Variants in SCN8A observed in about 807,000 individuals in gnomAD.
The protein encoded by SCN8A is sodium channel protein type 8 subunit alpha.
A neutral mutation model predicts 184.1 loss-of-function variants in SCN8A; 30 were observed. That is an observed-to-expected ratio of 0.16 (90% CI 0.12 to 0.22). The LOEUF (loss-of-function observed/expected upper bound fraction) is 0.22. Among genes scored for constraint, SCN8A ranks in the 10% least tolerant of loss-of-function variants. SCN8A has a pLI of 1.00. For missense variants in SCN8A, 1,057 were observed against 2,498.9 expected (o/e 0.42, Z 12.30); for synonymous variants, 852 against 907.0 (o/e 0.94, Z 1.09).
At chr12:51,677,048 A>ATTGTT (rs1414402560) in intron 2 of SCN8A, among the ~76,000 whole-genome samples, 23 of 141,338 alleles carry the variant, frequency 1.6e-4, no homozygotes, top group African/African-American at 4.3e-4. Context: ...TGCATCCTTT[A>ATTGTT]TTGTTTTGTT....
intron 26 of SCN8A, 111 bp downstream of exon 26, chr12:51,794,752 C>G: frequency 9.5e-7 from 1 of 1,055,750 alleles, no homozygotes; most frequent in South Asian, 1.6e-5. Flanking sequence ...AGGCAAGATA[C>G]CCTCATAGCT....
intron 12 of SCN8A, among the ~76,000 whole-genome samples, chr12:51,728,199 C>T (rs1157085607): frequency 6.6e-6 from 1 of 152,092 alleles, no homozygotes; most frequent in Non-Finnish European, 1.5e-5. Context: ...TATATGTTTG[C>T]CCTCTCTCTC....
intron 5 of SCN8A, chr12:51,688,650 AG>A: frequency 1.4e-6 from 1 of 739,576 alleles, no homozygotes. Context: ...TTCTTTTTCA[AG>A]GAAAAAAAAT....
intron 22 of SCN8A, among the ~76,000 whole-genome samples, chr12:51,788,158 G>A (rs1938139471): frequency 6.6e-6 from 1 of 152,140 alleles, no homozygotes; most frequent in African/African-American, 2.4e-5. Context: ...ATTGGGAAGG[G>A]ACTGTCAAGG....
At chr12:51,805,280 C>T (rs575671202) in intron 26 of SCN8A, among the ~76,000 whole-genome samples, 3 of 152,152 alleles carry the variant, frequency 2.0e-5, no homozygotes, top group Non-Finnish European at 4.4e-5. Flanking sequence ...ATAGATGGAC[C>T]TCATAAGACA....
chr12:51,630,198 C>T (rs1319011804), intron 1 of SCN8A, among the ~76,000 whole-genome samples: 2 of 152,092 alleles, frequency 1.3e-5, no homozygotes, highest in Non-Finnish European at 2.9e-5. Flanking sequence ...ATGTAACCAT[C>T]AGCACCATCC....
intron 1 of SCN8A, among the ~76,000 whole-genome samples, chr12:51,615,209 A>C (rs777771260): frequency 2.6e-5 from 4 of 152,044 alleles, no homozygotes; most frequent in African/African-American, 7.2e-5. Flanking sequence ...GTACATACTT[A>C]AGTGTTCAGT....
At chr12:51,733,272 G>A (rs1313675805) in intron 12 of SCN8A, among the ~76,000 whole-genome samples, 1 of 152,096 alleles carries the variant, frequency 6.6e-6, no homozygotes, top group Non-Finnish European at 1.5e-5. Flanking sequence ...GAAGGGTGTT[G>A]AATTTTATAA....
At chr12:51,734,622 C>T (rs1592134153) in intron 12 of SCN8A, among the ~76,000 whole-genome samples, 1 of 152,322 alleles carries the variant, frequency 6.6e-6, no homozygotes, top group African/African-American at 2.4e-5. Flanking sequence ...TGAGGGCCAT[C>T]ATGAACATGT....
intron 1 of SCN8A, among the ~76,000 whole-genome samples, chr12:51,644,511 T>G (rs1940520527): frequency 6.6e-6 from 1 of 152,230 alleles, no homozygotes; most frequent in South Asian, 2.1e-4. Flanking sequence ...AAGACCTACT[T>G]CAGACGGAGT....
rs1938088057 is a variant in SCN8A at position 51,786,461 on chromosome 12, T to C, written c.3943-81T>C. On this transcript the variant is annotated intron_variant, in intron 21 of 26. Coordinates refer to ENST00000627620, the MANE Select transcript of SCN8A (RefSeq NM_001330260.2). The stretch of plus-strand genomic sequence containing the variant: ...TTTCCATACAGAACAAGCCACACAA[T>C]GTCATTCCCCTCCTGGAAATCAAAA... 4.8e-6 allele frequency: 7 copies of C among 1,450,508 alleles called. No individual in the cohort carries two copies. The Admixed American group carries it at 5.4e-5, about 11-fold the overall frequency. 89.9% of individuals were successfully genotyped at this position (1,450,508 alleles called of 1,614,324 possible).
chr12:51,651,360 C>T (rs188941155), intron 1 of SCN8A, among the ~76,000 whole-genome samples: 164 of 152,286 alleles, frequency 1.1e-3, no homozygotes, highest in East Asian at 3.1e-3. Context: ...CCCGCTACCA[C>T]GCCTGGCTAA....
intron 14 of SCN8A, among the ~76,000 whole-genome samples, chr12:51,760,945 C>A (rs1035489518): frequency 5.9e-5 from 9 of 152,058 alleles, no homozygotes; most frequent in African/African-American, 2.2e-4. Context: ...CATCTATAAT[C>A]TAAGTATTTT....
chr12:51,786,834 G>C lies in SCN8A; in HGVS notation c.4227+8G>C. On this transcript the variant is annotated splice_region_variant and intron_variant, in intron 22 of 26. Transcript: ENST00000627620. ...CTGGCCCTTCTTCAAGTAGTAAGTA[G>C]TGTTTTTGTTTTTGTTTTTTCAGTT... is the stretch of plus-strand genomic sequence containing the variant. The C allele has an allele frequency of 6.2e-7, 1 of 1,607,058 alleles. No individual in the cohort carries two copies. The highest frequency in any genetic ancestry group is 1.1e-5 in the South Asian group (1 of 89,234).
chr12:51,786,935 C>T lies in SCN8A; in HGVS notation c.4227+109C>T, dbSNP rs1278124709. ...CTACTTCTAGAATCAGGATTATTCT[C>T]AATAAGTCCAAGAAAACAGTATTGT... On this transcript the variant is annotated intron_variant, in intron 22 of 26. Coordinates refer to ENST00000627620, the MANE Select transcript of SCN8A (RefSeq NM_001330260.2). The T allele has an allele frequency of 4.7e-6, 5 of 1,074,110 alleles. No individual in the cohort carries two copies. In the Admixed American group the frequency reaches 1.1e-4, roughly 23 times the overall value. The allele number at this position is 1,074,110 out of a possible 1,614,324, so 66.5% of individuals were successfully genotyped here.
At chr12:51,771,781 A>G (rs1942928791) in intron 19 of SCN8A, among the ~76,000 whole-genome samples, 1 of 152,246 alleles carries the variant, frequency 6.6e-6, no homozygotes, top group African/African-American at 2.4e-5. Context: ...GAGGTGCCGC[A>G]GAGGCACCCA....
chr12:51,653,789 G>A (rs1356268547), intron 1 of SCN8A, among the ~76,000 whole-genome samples: 4 of 152,140 alleles, frequency 2.6e-5, no homozygotes, highest in Non-Finnish European at 1.5e-5. Flanking sequence ...CACCAGCAGA[G>A]CACTAGAGTC....
chr12:51,693,708 C>G (rs1941547912), intron 6 of SCN8A, among the ~76,000 whole-genome samples: 1 of 152,154 alleles, frequency 6.6e-6, no homozygotes, highest in African/African-American at 2.4e-5. Flanking sequence ...AAAGTCAACA[C>G]AGCACACTAC....
chr12:51,684,421 A>C (rs2138708397), intron 3 of SCN8A, 129 bp downstream of exon 3: 1 of 672,076 alleles, frequency 1.5e-6, no homozygotes, highest in South Asian at 1.6e-5. Flanking sequence ...CCCATCAGTC[A>C]GAGGTTTAAG....
Sources: gnomAD v4.1 joint callset for allele counts (sites outside exome capture counted in the v4.1 genomes callset) on GRCh38, gnomAD v4.1.1 for gene constraint, MANE v1.5 for transcripts, NCBI Gene and HGNC (gene_info 2026-07-23, HGNC 2026-07-21) for gene names.